The following PARD3B variants were observed in gnomAD, a reference collection of about 807,000 sequenced individuals.
PARD3B encodes par-3 family cell polarity regulator beta.
A neutral mutation model predicts 130.2 loss-of-function variants in PARD3B; 103 were observed. The ratio of observed to expected loss-of-function variants is 0.79; its 90% CI spans 0.67 to 0.93. PARD3B has a LOEUF of 0.93. Ranked by LOEUF, PARD3B falls within the 40% of genes least tolerant of loss-of-function variation. PARD3B has a pLI of 0.00. For missense variants in PARD3B, 1,609 were observed against 1,499.2 expected (o/e 1.07, Z -1.21); for synonymous variants, 583 against 553.2 (o/e 1.05, Z -0.76).
intron 4 of PARD3B, among the ~76,000 whole-genome samples, chr2:205,076,673 A>C (rs1247271129): frequency 6.6e-6 from 1 of 152,082 alleles, no homozygotes; most frequent in Non-Finnish European, 1.5e-5. Flanking sequence ...GGAAGTGTGG[A>C]TCCTATTGTG....
chr2:205,464,099 T>C lies in PARD3B; in HGVS notation c.3044+23427T>C, dbSNP rs1373369780. The stretch of plus-strand genomic sequence containing the variant: ...GTTTTCAACCTGTAGTGGATACTTC[T>C]TAAGTCTGAAACTGCCAGCCCTCTT... On this transcript the variant is annotated intron_variant, in intron 20 of 22. Coordinates refer to ENST00000406610, the MANE Select transcript of PARD3B (RefSeq NM_001302769.2). Among the ~76,000 whole-genome samples, 3 of 152,096 alleles carry C rather than the reference T, an allele frequency of 2.0e-5. No homozygotes were observed. In the South Asian group the frequency reaches 6.2e-4, roughly 32 times the overall value.
At chr2:204,752,140 G>A (rs1417673648) in intron 2 of PARD3B, among the ~76,000 whole-genome samples, 1 of 152,130 alleles carries the variant, frequency 6.6e-6, no homozygotes, top group Non-Finnish European at 1.5e-5. Context: ...AAACATTTAG[G>A]AAATGTGCTC....
chr2:205,031,658 T>G (rs1226397347), intron 3 of PARD3B, among the ~76,000 whole-genome samples: 1 of 152,104 alleles, frequency 6.6e-6, no homozygotes, highest in African/African-American at 2.4e-5. Context: ...TATTGTCTGT[T>G]TTATGCTATT....
chr2:205,518,670 G>A (rs2050896530), intron 21 of PARD3B, among the ~76,000 whole-genome samples: 1 of 152,132 alleles, frequency 6.6e-6, no homozygotes, highest in Admixed American at 6.6e-5. Flanking sequence ...TTGCTTTATA[G>A]TGACACTGGT....
chr2:205,480,123 A>G (rs996168902), intron 20 of PARD3B, among the ~76,000 whole-genome samples: 1 of 151,840 alleles, frequency 6.6e-6, no homozygotes, highest in African/African-American at 2.4e-5. Context: ...CAGGTTTTTC[A>G]TGAACTCCTG....
chr2:205,246,566 T>A (rs2039581859), intron 16 of PARD3B, among the ~76,000 whole-genome samples: 1 of 152,090 alleles, frequency 6.6e-6, no homozygotes, highest in South Asian at 2.1e-4. Context: ...GAGGAGAAAA[T>A]GTCCATTTTG....
At chr2:204,770,865 A>G (rs1394650381) in intron 2 of PARD3B, among the ~76,000 whole-genome samples, 5 of 152,064 alleles carry the variant, frequency 3.3e-5, no homozygotes, top group African/African-American at 1.2e-4. Flanking sequence ...ATTGACCAAG[A>G]TATGTTTAGA....
chr2:204,759,545 CATT>C (rs975783963), intron 2 of PARD3B, among the ~76,000 whole-genome samples: 1 of 151,964 alleles, frequency 6.6e-6, no homozygotes, highest in African/African-American at 2.4e-5. Context: ...TTAAAAATGT[CATT>C]ATAGTTCACT....
chr2:205,524,989 C>T (rs1039674557), intron 21 of PARD3B, among the ~76,000 whole-genome samples: 1 of 152,182 alleles, frequency 6.6e-6, no homozygotes, highest in Non-Finnish European at 1.5e-5. Context: ...CATTTTTATT[C>T]AGAATTTGAT....
At chr2:204,581,948 G>T (rs1016460441) in intron 1 of PARD3B, among the ~76,000 whole-genome samples, 6 of 152,130 alleles carry the variant, frequency 3.9e-5, no homozygotes, top group Non-Finnish European at 7.4e-5. Flanking sequence ...TCCCCAATTT[G>T]TAAGTGGGTT....
At chr2:205,520,843 T>A (rs1402770181) in intron 21 of PARD3B, among the ~76,000 whole-genome samples, 2 of 152,048 alleles carry the variant, frequency 1.3e-5, no homozygotes, top group Non-Finnish European at 2.9e-5. Context: ...TAATGCATAG[T>A]ATTTTCTAGA....
rs78869224 is a variant in PARD3B at position 205,585,668 on chromosome 2, A to G, written c.3261-29788A>G. ...AACATGTTCACTTACACAGATTTCA[A>G]TGTCCAAAGGAAATGTGGGGGACAC... On this transcript the variant is annotated intron_variant, in intron 22 of 22. Coordinates refer to ENST00000406610, the MANE Select transcript of PARD3B (RefSeq NM_001302769.2). The surrounding 1 kb of genome is among the most constrained non-coding windows in gnomAD (Gnocchi z 5.4). Among the ~76,000 whole-genome samples the G allele has an allele frequency of 3.4e-3, 516 of 152,310 alleles. 2 individuals are homozygous for G. The highest frequency in any genetic ancestry group is 0.012 in the African/African-American group (492 of 41,562).
intron 4 of PARD3B, among the ~76,000 whole-genome samples, chr2:205,072,377 A>C (rs1700795547): frequency 6.6e-6 from 1 of 151,914 alleles, no homozygotes; most frequent in Non-Finnish European, 1.5e-5. Flanking sequence ...CAGCCTCCCA[A>C]GTAGCTGGGA....
chr2:205,080,625 G>A (rs1292034725), intron 4 of PARD3B, among the ~76,000 whole-genome samples: 1 of 152,008 alleles, frequency 6.6e-6, no homozygotes, highest in African/African-American at 2.4e-5. Context: ...GCTTCTATGA[G>A]CATCTTGCAC....
intron 5 of PARD3B, among the ~76,000 whole-genome samples, chr2:205,112,512 A>C: frequency 6.6e-6 from 1 of 152,112 alleles, no homozygotes. Context: ...TTAATTTGAC[A>C]TCTAGTTTCA....
In PARD3B at chr2:205,241,377, T is replaced by C. The variant is rs779942326; in HGVS notation, c.2141-4401T>C. Among the ~76,000 whole-genome samples the C allele has an allele frequency of 6.6e-5, 10 of 152,174 alleles. No homozygotes were observed. Among genetic ancestry groups the C allele is most frequent in the Non-Finnish European group, 1.3e-4 (9 of 68,008 alleles). ...ATCAAGAGGAGGCAGTCCATGGTAC[T>C]CTCTAAGTATGTAATAATGGTTATA... On this transcript the variant is annotated intron_variant, in intron 15 of 22. Transcript: ENST00000406610. The surrounding 1 kb of genome is among the most constrained non-coding windows in gnomAD (Gnocchi z 4.2).
At chr2:205,604,196 G>C (rs911006493) in intron 22 of PARD3B, among the ~76,000 whole-genome samples, 1 of 152,042 alleles carries the variant, frequency 6.6e-6, no homozygotes, top group African/African-American at 2.4e-5. Flanking sequence ...CTGGCTTGTA[G>C]GGTGTATTAG....
chr2:204,830,249 CT>C (rs2043762437), intron 2 of PARD3B, among the ~76,000 whole-genome samples: 1 of 152,084 alleles, frequency 6.6e-6, no homozygotes, highest in Non-Finnish European at 1.5e-5. Flanking sequence ...CATAGGATAA[CT>C]GGATTTACCA....
chr2:205,389,598 C>T (rs1429829128), intron 18 of PARD3B, among the ~76,000 whole-genome samples: 1 of 152,220 alleles, frequency 6.6e-6, no homozygotes, highest in East Asian at 1.9e-4. Context: ...CCCGCCTCGG[C>T]CTCCCAAAGT....
Sources: allele counts gnomAD v4.1 joint callset (sites outside exome capture counted in the v4.1 genomes callset), GRCh38; gene constraint gnomAD v4.1.1; non-coding constraint Gnocchi (gnomAD v3.1); transcripts MANE v1.5; gene names NCBI Gene and HGNC (gene_info 2026-07-23, HGNC 2026-07-21).